The following NHSL1 variants were observed in gnomAD, a reference collection of about 807,000 sequenced individuals.
NHSL1 encodes the protein NHS-like protein 1.
Under a neutral mutation model 95.0 loss-of-function variants are expected in NHSL1, and 48 were observed. That is an observed-to-expected ratio of 0.51 (90% CI 0.40 to 0.64). NHSL1 has a LOEUF of 0.64. Among genes scored for constraint, NHSL1 ranks in the 30% least tolerant of loss-of-function variants. The pLI is 0.00. For missense variants in NHSL1, 1,971 were observed against 2,077.7 expected (o/e 0.95, Z 1.00); for synonymous variants, 783 against 833.9 (o/e 0.94, Z 1.05).
intron 1 of NHSL1, among the ~76,000 whole-genome samples, chr6:138,676,272 T>C (rs537898974): frequency 1.3e-5 from 2 of 152,236 alleles, no homozygotes; most frequent in East Asian, 3.9e-4. Context: ...TTAACAAATC[T>C]AACCATCAGC....
intron 1 of NHSL1, among the ~76,000 whole-genome samples, chr6:138,608,934 G>A (rs1480243189): frequency 6.6e-6 from 1 of 152,164 alleles, no homozygotes; most frequent in Admixed American, 6.5e-5. Flanking sequence ...CTACTCTGTT[G>A]GTTACTAGAA....
upstream of NHSL1, among the ~76,000 whole-genome samples, chr6:138,501,327 T>A (rs11963746): frequency 0.01 from 1,539 of 152,316 alleles, 29 homozygotes; most frequent in African/African-American, 0.034. Context: ...GTGAGATCCC[T>A]GCCCTCATGG....
chr6:138,624,793 A>C (rs1478342269), intron 1 of NHSL1, among the ~76,000 whole-genome samples: 1 of 152,186 alleles, frequency 6.6e-6, no homozygotes, highest in Non-Finnish European at 1.5e-5. Flanking sequence ...ACTGCAGCAG[A>C]GGAGGTGTTT....
intron 1 of NHSL1, among the ~76,000 whole-genome samples, chr6:138,629,404 C>T (rs377284753): frequency 6.1e-5 from 9 of 148,058 alleles, no homozygotes; most frequent in East Asian, 2.0e-4. Context: ...TTTTTTGAGA[C>T]GGAGTCTCGC....
rs183621096 is a variant in NHSL1 at position 138,622,531 on chromosome 6, G to T, written c.96+69945C>A. On this transcript the variant is annotated intron_variant, in intron 1 of 3. Transcript: ENST00000491526. ...ATAACCTTTTGGTTCCCACGTGGGG[G>T]TGTTTCATGAGGGTACATTAATTTA... 1.9e-3 allele frequency among the ~76,000 whole-genome samples: 291 copies of T among 152,188 alleles called. 3 individuals carry two copies. Among genetic ancestry groups the T allele is most frequent in the East Asian group, 0.014 (72 of 5,182 alleles).
intron 1 of NHSL1, among the ~76,000 whole-genome samples, chr6:138,595,266 G>A (rs1047955106): frequency 5.9e-5 from 9 of 152,330 alleles, no homozygotes; most frequent in Admixed American, 5.2e-4. Flanking sequence ...ACTAAGAAGA[G>A]GAAGAGAGTT....
At chr6:138,441,721 T>TG (rs540000931) in intron 5 of NHSL1, among the ~76,000 whole-genome samples, 226 of 152,352 alleles carry the variant, frequency 1.5e-3, no homozygotes, top group African/African-American at 5.2e-3. Flanking sequence ...TGAGGTTAAC[T>TG]ATGAATTCTA....
At position 138,670,370 on chromosome 6, in the gene NHSL1, T is replaced by TAAAAA. The variant is rs750341571; in HGVS notation, c.96+22101_96+22105dup. Among the ~76,000 whole-genome samples, 4 of 125,436 alleles carry TAAAAA rather than the reference T, an allele frequency of 3.2e-5. No homozygotes were observed. In the East Asian group the frequency reaches 9.1e-4, roughly 29 times the overall value. 82.3% of individuals were successfully genotyped at this position (125,436 alleles called of 152,430 possible). A position where few individuals can be genotyped will look rare whatever the true frequency, so the allele number is the denominator to read the frequency against. On this transcript the variant is annotated intron_variant, in intron 1 of 3. Transcript: ENST00000491526. ...AACTTGCAGCAAACACCGTTGAAGGTAAAAAAAAAAAAAAGGCCGGGCGCG... is the reference window on the plus strand; with the variant it reads ...AACTTGCAGCAAACACCGTTGAAGGTAAAAAAAAAAAAAAAAAAAGGCCGGGCGCG...
chr6:138,630,011 G>T (rs545661183), intron 1 of NHSL1, among the ~76,000 whole-genome samples: 1 of 152,300 alleles, frequency 6.6e-6, no homozygotes, highest in Non-Finnish European at 1.5e-5. Context: ...CCAGAAGTTT[G>T]AGAACTGCCT....
At chr6:138,655,195 G>GATCT (rs59388166) in intron 1 of NHSL1, among the ~76,000 whole-genome samples, 14,850 of 152,080 alleles carry the variant, frequency 0.098, 880 homozygotes, top group African/African-American at 0.17. Context: ...AAAGTGACAA[G>GATCT]TTCTGTAATA....
chr6:138,441,420 T>C (rs1198734727), intron 5 of NHSL1, among the ~76,000 whole-genome samples: 1 of 152,134 alleles, frequency 6.6e-6, no homozygotes, highest in Admixed American at 6.5e-5. Flanking sequence ...CAAACACAGA[T>C]TGAACAAAAA....
At chr6:138,590,897 C>T (rs1017069720) in intron 1 of NHSL1, among the ~76,000 whole-genome samples, 1 of 152,188 alleles carries the variant, frequency 6.6e-6, no homozygotes, top group Admixed American at 6.5e-5. Context: ...TAGTCTTTTC[C>T]TTTCCCCTCT....
At chr6:138,535,463 C>T (rs969916772) in intron 1 of NHSL1, among the ~76,000 whole-genome samples, 1 of 152,076 alleles carries the variant, frequency 6.6e-6, no homozygotes, top group African/African-American at 2.4e-5. Flanking sequence ...ATTCAAGAAG[C>T]TGAGGTGAGA....
intron 1 of NHSL1, among the ~76,000 whole-genome samples, chr6:138,589,309 C>G (rs1275495946): frequency 6.6e-6 from 1 of 152,120 alleles, no homozygotes; most frequent in Admixed American, 6.6e-5. Flanking sequence ...TGACCTGATC[C>G]CTAAATGATG....
chr6:138,632,002 C>T (rs769661537), intron 1 of NHSL1, among the ~76,000 whole-genome samples: 1 of 151,994 alleles, frequency 6.6e-6, no homozygotes, highest in Non-Finnish European at 1.5e-5. Context: ...CCCTGAATGG[C>T]AAGTCCTAGG....
intron 1 of NHSL1, among the ~76,000 whole-genome samples, chr6:138,660,813 G>C (rs939515011): frequency 2.5e-4 from 38 of 151,760 alleles, no homozygotes; most frequent in Admixed American, 7.9e-4. Context: ...AAAAAAATTG[G>C]CTGGGCACGA....
At chr6:138,689,296 G>A (rs1785627956) in intron 1 of NHSL1, among the ~76,000 whole-genome samples, 1 of 152,190 alleles carries the variant, frequency 6.6e-6, no homozygotes, top group Non-Finnish European at 1.5e-5. Context: ...TGATCGAGGT[G>A]AACCAATGCC....
chr6:138,675,302 T>A (rs2114772506), intron 1 of NHSL1, among the ~76,000 whole-genome samples: 1 of 152,032 alleles, frequency 6.6e-6, no homozygotes, highest in Non-Finnish European at 1.5e-5. Context: ...CCTAAAGCTA[T>A]CTGCTGCTTC....
intron 1 of NHSL1, among the ~76,000 whole-genome samples, chr6:138,559,266 A>G (rs72975247): frequency 0.077 from 11,779 of 152,314 alleles, 453 homozygotes; most frequent in Middle Eastern, 0.14. Flanking sequence ...CTGGCCAGAC[A>G]TTGCTATTCA....
Sources: allele counts gnomAD v4.1 joint callset (sites outside exome capture counted in the v4.1 genomes callset), GRCh38; gene constraint gnomAD v4.1.1; transcripts MANE v1.5; gene names NCBI Gene and HGNC (gene_info 2026-07-23, HGNC 2026-07-21).